ITPKB: variants seen among roughly 807,000 people sequenced by gnomAD.
ITPKB encodes the protein inositol-trisphosphate 3-kinase B, also known as IP3 3-kinase B.
ITPKB carries 13 observed loss-of-function variants against 69.4 expected under a neutral mutation model. That is an observed-to-expected ratio of 0.19 (90% CI 0.12 to 0.30). The LOEUF is 0.30. Ranked by LOEUF, ITPKB falls within the 10% of genes least tolerant of loss-of-function variation. The pLI, the probability that ITPKB is intolerant of heterozygous loss-of-function variation, is 1.00. For missense variants in ITPKB, 1,240 were observed against 1,250.5 expected (o/e 0.99, Z 0.13); for synonymous variants, 584 against 513.7 (o/e 1.14, Z -1.85).
chr1:226,659,043 G>C (rs1488657424), intron 2 of ITPKB, among the ~76,000 whole-genome samples: 1 of 152,172 alleles, frequency 6.6e-6, no homozygotes, highest in African/African-American at 2.4e-5. Context: ...CTCCCAACCT[G>C]GCTGACTCTT....
rs115003427 is a variant in ITPKB at position 226,663,250 on chromosome 1, G to A, written c.1933-14479C>T. On this transcript the variant is annotated intron_variant, in intron 2 of 7. Coordinates refer to ENST00000429204, the MANE Select transcript of ITPKB (RefSeq NM_002221.4). ...GGTGCTTACTTAGCACTTTCCCCAC[G>A]TGACAGGAGCCTCCCAGGGCCCCAG... Among the ~76,000 whole-genome samples the A allele has an allele frequency of 4.3e-3, 658 of 152,226 alleles. 7 individuals carry two copies. Among genetic ancestry groups the A allele is most frequent in the African/African-American group, 0.015 (616 of 41,530 alleles).
chr1:226,705,531 A>C (rs1389413703), intron 2 of ITPKB, among the ~76,000 whole-genome samples: 2 of 81,386 alleles, frequency 2.5e-5, no homozygotes, highest in African/African-American at 3.4e-5. Context: ...CGCCATCTCA[A>C]AAAAAAAAAA....
At chr1:226,658,572 A>T (rs191207671) in intron 2 of ITPKB, among the ~76,000 whole-genome samples, 1 of 152,288 alleles carries the variant, frequency 6.6e-6, no homozygotes, top group African/African-American at 2.4e-5. Context: ...CCTTTAACAA[A>T]CAAGAAAATC....
intron 2 of ITPKB, among the ~76,000 whole-genome samples, chr1:226,701,630 A>AC (rs1571864923): frequency 6.6e-6 from 1 of 150,578 alleles, no homozygotes; most frequent in African/African-American, 2.4e-5. Flanking sequence ...AAAAAAAAAA[A>AC]ACTTCACTTT....
intron 4 of ITPKB, among the ~76,000 whole-genome samples, chr1:226,645,923 C>T (rs920336933): frequency 6.6e-6 from 1 of 152,138 alleles, no homozygotes; most frequent in African/African-American, 2.4e-5. Flanking sequence ...ACACAACAGT[C>T]AGTGGCAGGG....
chr1:226,675,789 G>T (rs965064348), intron 2 of ITPKB, among the ~76,000 whole-genome samples: 1 of 152,220 alleles, frequency 6.6e-6, no homozygotes, highest in Non-Finnish European at 1.5e-5. Context: ...TGTTATCAAT[G>T]TAAGATTCGA....
intron 2 of ITPKB, among the ~76,000 whole-genome samples, chr1:226,731,401 A>T (rs1446047615): frequency 1.3e-5 from 2 of 152,260 alleles, no homozygotes; most frequent in East Asian, 3.9e-4. Flanking sequence ...AGATAGGCAG[A>T]TCAATCAATT....
chr1:226,663,302 A>G (rs762955279), intron 2 of ITPKB, among the ~76,000 whole-genome samples: 5 of 151,970 alleles, frequency 3.3e-5, no homozygotes, highest in Non-Finnish European at 7.4e-5. Context: ...CTCGCCTCCT[A>G]TTACCAGAGC....
At chr1:226,713,196 G>A (rs545485737) in intron 2 of ITPKB, among the ~76,000 whole-genome samples, 14 of 152,078 alleles carry the variant, frequency 9.2e-5, no homozygotes, top group East Asian at 1.9e-4. Context: ...CGACCTCTTC[G>A]CATTTCTAGA....
At chr1:226,674,348 GCCA>G (rs1449921876) in intron 2 of ITPKB, among the ~76,000 whole-genome samples, 1 of 152,064 alleles carries the variant, frequency 6.6e-6, no homozygotes, top group Non-Finnish European at 1.5e-5. Flanking sequence ...ACAGGCACCT[GCCA>G]CCACACTTGG....
rs1297136656 is a variant in ITPKB, at chr1:226,735,686, G to A, written c.1773C>T (p.Gly591=). Residue 591 remains glycine, a synonymous_variant, in exon 2 of 8, where the codon GGC becomes GGT. Coordinates refer to ENST00000429204, the MANE Select transcript of ITPKB (RefSeq NM_002221.4). ...ALEETQGSPR[G]NLPLRKLSSS... ...AGGACAGTTTCCTCAGGGGCAGGTT[G>A]CCCCGAGGGCTTCCCTGCGTCTCCT... 17 of 1,601,960 alleles carry A rather than the reference G, an allele frequency of 1.1e-5. No homozygotes were observed. The highest frequency in any genetic ancestry group is 1.3e-5 in the African/African-American group (1 of 74,458).
At chr1:226,722,687 A>G (rs1363113639) in intron 2 of ITPKB, among the ~76,000 whole-genome samples, 1 of 151,880 alleles carries the variant, frequency 6.6e-6, no homozygotes, top group East Asian at 1.9e-4. Flanking sequence ...CGTGGTTTCA[A>G]TCCTCCCAGA....
intron 2 of ITPKB, among the ~76,000 whole-genome samples, chr1:226,700,484 A>C (rs995564604): frequency 9.9e-5 from 15 of 150,756 alleles, no homozygotes; most frequent in Non-Finnish European, 1.0e-4. Flanking sequence ...AAAAAAAAAA[A>C]AAAAAAAAAA....
chr1:226,665,470 G>A (rs1012468642), intron 2 of ITPKB, among the ~76,000 whole-genome samples: 2 of 152,218 alleles, frequency 1.3e-5, no homozygotes, highest in East Asian at 1.9e-4. Context: ...AGGAAAACAC[G>A]GGACATGCTT....
intron 2 of ITPKB, among the ~76,000 whole-genome samples, chr1:226,672,758 G>C (rs535525492): frequency 6.6e-6 from 1 of 152,290 alleles, no homozygotes; most frequent in Admixed American, 6.5e-5. Context: ...GAAGCACTGG[G>C]GTAGGGCGAA....
chr1:226,705,623 T>A (rs181886876), intron 2 of ITPKB, among the ~76,000 whole-genome samples: 1 of 152,052 alleles, frequency 6.6e-6, no homozygotes, highest in Non-Finnish European at 1.5e-5. Flanking sequence ...GATGTGCCTA[T>A]GGGCACATAC....
intron 2 of ITPKB, among the ~76,000 whole-genome samples, chr1:226,714,385 C>G (rs1031003394): frequency 6.6e-6 from 1 of 152,156 alleles, no homozygotes; most frequent in Admixed American, 6.5e-5. Flanking sequence ...GCTGCCAATT[C>G]TGGGGCTGTT....
chr1:226,665,803 G>A (rs954491710), intron 2 of ITPKB, among the ~76,000 whole-genome samples: 2 of 152,174 alleles, frequency 1.3e-5, no homozygotes, highest in Admixed American at 6.5e-5. Context: ...TTTAGAACCC[G>A]GGATGGTTGG....
At chr1:226,680,284 A>T (rs1488185456) in intron 2 of ITPKB, among the ~76,000 whole-genome samples, 1 of 152,210 alleles carries the variant, frequency 6.6e-6, no homozygotes, top group South Asian at 2.1e-4. Context: ...TGCCCAAATC[A>T]GCATGACCCC....
Sources: gnomAD v4.1 joint callset for allele counts (sites outside exome capture counted in the v4.1 genomes callset) on GRCh38, gnomAD v4.1.1 for gene constraint, MANE v1.5 for transcripts, NCBI Gene and HGNC (gene_info 2026-07-23, HGNC 2026-07-21) for gene names.